The following BACH2 variants were observed in gnomAD, a reference collection of about 807,000 sequenced individuals.
BACH2 encodes BACH transcriptional regulator 2, also known as transcription regulator protein BACH2.
BACH2 carries 5 observed loss-of-function variants against 61.8 expected under a neutral mutation model. The ratio of observed to expected loss-of-function variants is 0.08; its 90% CI spans 0.04 to 0.17. The LOEUF (loss-of-function observed/expected upper bound fraction) is 0.17, where lower values mean the gene tolerates loss of function less well. Ranked by LOEUF, BACH2 falls within the 10% of genes least tolerant of loss-of-function variation. The pLI is 1.00. For missense variants in BACH2, 824 were observed against 1,091.1 expected (o/e 0.76, Z 3.45); for synonymous variants, 446 against 440.1 (o/e 1.01, Z -0.17).
chr6:89,944,165 C>A (rs888446248), intron 7 of BACH2, among the ~76,000 whole-genome samples: 1 of 152,206 alleles, frequency 6.6e-6, no homozygotes, highest in African/African-American at 2.4e-5. Flanking sequence ...TGATCTCAGG[C>A]AAGTCTTCAT....
chr6:89,955,746 C>T (rs1774391365), intron 6 of BACH2, among the ~76,000 whole-genome samples: 1 of 152,122 alleles, frequency 6.6e-6, no homozygotes, highest in Admixed American at 6.5e-5. Flanking sequence ...TAAATTCATT[C>T]ATTATACTCA....
intron 4 of BACH2, among the ~76,000 whole-genome samples, chr6:90,171,031 A>G (rs911443178): frequency 1.3e-5 from 2 of 151,676 alleles, no homozygotes; most frequent in African/African-American, 4.8e-5. Context: ...GGTAAATTAA[A>G]AAAAAAAAAA....
intron 7 of BACH2, among the ~76,000 whole-genome samples, chr6:89,947,451 T>TGTAA (rs1198372655): frequency 2.6e-5 from 4 of 152,212 alleles, no homozygotes; most frequent in African/African-American, 9.7e-5. Flanking sequence ...TTAACTTTAC[T>TGTAA]GTAACTGTCC....
chr6:90,150,805 C>T (rs1271819369), intron 4 of BACH2, among the ~76,000 whole-genome samples: 1 of 152,014 alleles, frequency 6.6e-6, no homozygotes, highest in Non-Finnish European at 1.5e-5. Flanking sequence ...TGGGAGTAGC[C>T]CTTGGGAAGC....
chr6:90,071,023 TCA>T (rs1173208028), intron 5 of BACH2, among the ~76,000 whole-genome samples: 1 of 152,206 alleles, frequency 6.6e-6, no homozygotes, highest in African/African-American at 2.4e-5. Flanking sequence ...TCTTGCTCTG[TCA>T]CCCATGCTGC....
intron 4 of BACH2, among the ~76,000 whole-genome samples, chr6:90,160,529 T>G (rs993504678): frequency 6.6e-6 from 1 of 152,234 alleles, no homozygotes; most frequent in African/African-American, 2.4e-5. Flanking sequence ...CGTACAAAAA[T>G]AGTTTTATTT....
chr6:89,986,690 T>A (rs1372206018), intron 6 of BACH2, among the ~76,000 whole-genome samples: 1 of 152,174 alleles, frequency 6.6e-6, no homozygotes, highest in Non-Finnish European at 1.5e-5. Context: ...ACCACCTCCA[T>A]CTGAATTGTA....
chr6:89,935,195 C>T (rs12523703), intron 8 of BACH2, among the ~76,000 whole-genome samples: 1,859 of 152,082 alleles, frequency 0.012, 48 homozygotes, highest in African/African-American at 0.042. Context: ...CGCCCACCAG[C>T]GCCATCCCTG....
At chr6:90,185,393 A>G (rs1052290585) in intron 4 of BACH2, among the ~76,000 whole-genome samples, 2 of 152,240 alleles carry the variant, frequency 1.3e-5, no homozygotes, top group African/African-American at 4.8e-5. Context: ...CTTAATATGT[A>G]AAACATGCAA....
chr6:90,265,472 C>T (rs1272126819), intron 2 of BACH2, among the ~76,000 whole-genome samples: 4 of 152,196 alleles, frequency 2.6e-5, no homozygotes, highest in Non-Finnish European at 5.9e-5. Context: ...TTTGTGCTAA[C>T]ATGATGGGAA....
chr6:89,971,494 C>G (rs993741943), intron 6 of BACH2, among the ~76,000 whole-genome samples: 1 of 152,108 alleles, frequency 6.6e-6, no homozygotes, highest in African/African-American at 2.4e-5. Flanking sequence ...GCTATTGGGA[C>G]AGAGACAAGT....
intron 4 of BACH2, among the ~76,000 whole-genome samples, chr6:90,124,446 A>G (rs1410377090): frequency 6.6e-6 from 1 of 152,218 alleles, no homozygotes; most frequent in Non-Finnish European, 1.5e-5. Flanking sequence ...TCCACAGACC[A>G]GCAGCATTGA....
At chr6:90,163,249 T>C (rs1308593222) in intron 4 of BACH2, among the ~76,000 whole-genome samples, 3 of 152,208 alleles carry the variant, frequency 2.0e-5, no homozygotes, top group East Asian at 1.9e-4. Context: ...TCTGTAGCAA[T>C]TGTTTGATAA....
rs370659668 is a variant in BACH2, at chr6:89,950,781, C to T, written c.1325G>A (p.Ser442Asn). The T allele has an allele frequency of 1.3e-5, 21 of 1,614,066 alleles. No homozygotes were observed. In the African/African-American group the frequency reaches 2.0e-4, roughly 15 times the overall value. ...CCCAGAATAAGAATGCACCGAGGTGCTCACTTGGTCACAAGCGCTGGAGGA... is the reference window on the plus strand; with the variant it reads ...CCCAGAATAAGAATGCACCGAGGTGTTCACTTGGTCACAAGCGCTGGAGGA... ...IFSSSACDQV[S>N]TSVHSYSGVS... Residue 442 changes from serine (S) to asparagine (N), a missense_variant, in exon 7 of 9, where the codon AGC becomes AAC. By Grantham distance (46) the Ser-to-Asn change is conservative. Around this residue, in one of 8 missense-constraint regions of BACH2, gnomAD observed 102 missense variants for 98.1 expected, o/e 1.04. Transcript: ENST00000257749. This position sits in a 1 kb window ranked among gnomAD's most constrained non-coding sequence, Gnocchi z 5.3.
chr6:90,250,101 G>A (rs1313082725), intron 3 of BACH2, among the ~76,000 whole-genome samples: 1 of 152,130 alleles, frequency 6.6e-6, no homozygotes, highest in African/African-American at 2.4e-5. Context: ...TACTGATCTA[G>A]GCCTGAACTT....
intron 5 of BACH2, among the ~76,000 whole-genome samples, chr6:90,045,059 G>A (rs1779714859): frequency 6.6e-6 from 1 of 152,152 alleles, no homozygotes. Flanking sequence ...GAATGAATAA[G>A]CAAGTTTATG....
chr6:89,987,645 C>CTAG (rs1280906889), intron 6 of BACH2, among the ~76,000 whole-genome samples: 4 of 152,024 alleles, frequency 2.6e-5, no homozygotes, highest in African/African-American at 9.7e-5. Context: ...GAAGAACTTG[C>CTAG]TAGTAGTCAC....
At chr6:90,286,185 G>T (rs926148636) in intron 1 of BACH2, among the ~76,000 whole-genome samples, 2 of 152,064 alleles carry the variant, frequency 1.3e-5, no homozygotes, top group Admixed American at 6.5e-5. Context: ...TTACCATATC[G>T]ACCACAAGAA....
chr6:90,071,226 C>A (rs924145784), intron 5 of BACH2, among the ~76,000 whole-genome samples: 7 of 152,234 alleles, frequency 4.6e-5, no homozygotes, highest in African/African-American at 1.7e-4. Context: ...GAAATCATGA[C>A]TCTTCCTTCT....
Sources: allele counts gnomAD v4.1 joint callset (sites outside exome capture counted in the v4.1 genomes callset), GRCh38; gene constraint gnomAD v4.1.1; regional missense constraint gnomAD v4.1.1; non-coding constraint Gnocchi (gnomAD v3.1); transcripts MANE v1.5; gene names NCBI Gene and HGNC (gene_info 2026-07-23, HGNC 2026-07-21).